The following EML6 variants were observed in gnomAD, a reference collection of about 807,000 sequenced individuals.
The protein encoded by EML6 is EMAP like 6, also known as echinoderm microtubule-associated protein-like 6.
EML6 carries 154 observed loss-of-function variants against 240.1 expected under a neutral mutation model. The ratio of observed to expected loss-of-function variants is 0.64; its 90% CI spans 0.56 to 0.73. The LOEUF (loss-of-function observed/expected upper bound fraction) is 0.73, where lower values mean the gene tolerates loss of function less well. EML6 is among the 30% of genes least tolerant of loss of function. EML6 has a pLI of 0.00. For synonymous variants in EML6, 1,148 were observed against 899.0 expected, an observed-to-expected ratio of 1.28 and a Z score of -4.95; for missense variants, 2,964 against 2,474.6, an observed-to-expected ratio of 1.20 and a Z score of -4.20.
intron 32 of EML6, among the ~76,000 whole-genome samples, 188 bp from the exon 33 acceptor site, chr2:54,957,602 C>G (rs1676290248): frequency 6.6e-6 from 1 of 152,202 alleles, no homozygotes; most frequent in Non-Finnish European, 1.5e-5. Context: ...ACCTGCTGCT[C>G]TGGAAACTTG....
chr2:54,909,773 G>C (rs906552173), intron 24 of EML6, among the ~76,000 whole-genome samples: 2 of 150,268 alleles, frequency 1.3e-5, no homozygotes, highest in Admixed American at 6.6e-5. Flanking sequence ...GAACTTGAGA[G>C]GCAGAGGTTG....
intron 9 of EML6, among the ~76,000 whole-genome samples, chr2:54,848,372 TA>T (rs1669883812): frequency 6.6e-6 from 1 of 152,198 alleles, no homozygotes; most frequent in South Asian, 2.1e-4. Context: ...AGAATGGTCT[TA>T]GCACAGTTTA....
chr2:54,921,541 A>G (rs1018153592), intron 26 of EML6, among the ~76,000 whole-genome samples: 6 of 152,188 alleles, frequency 3.9e-5, no homozygotes, highest in African/African-American at 1.4e-4. Context: ...CCTTATCAAA[A>G]TTCCAAAGGC....
At chr2:54,863,202 T>C (rs1304646225) in intron 12 of EML6, among the ~76,000 whole-genome samples, 1 of 152,222 alleles carries the variant, frequency 6.6e-6, no homozygotes, top group Non-Finnish European at 1.5e-5. Context: ...AGGATCTGTA[T>C]TGAAGTAAAT....
chr2:54,885,571 C>T (rs984690479), intron 17 of EML6, among the ~76,000 whole-genome samples: 3 of 152,042 alleles, frequency 2.0e-5, no homozygotes, highest in African/African-American at 7.2e-5. Flanking sequence ...ACGATATGTC[C>T]AGTAATGTAT....
intron 28 of EML6, among the ~76,000 whole-genome samples, chr2:54,942,193 A>C (rs897268042): frequency 2.6e-5 from 4 of 152,224 alleles, no homozygotes; most frequent in African/African-American, 9.7e-5. Flanking sequence ...GATGACAAAG[A>C]GTGGCCAGTG....
chr2:54,930,775 C>T (rs191484432), intron 28 of EML6, among the ~76,000 whole-genome samples: 1 of 152,120 alleles, frequency 6.6e-6, no homozygotes, highest in East Asian at 1.9e-4. Context: ...GCACAGCATG[C>T]CGGGAGCAGA....
intron 12 of EML6, among the ~76,000 whole-genome samples, chr2:54,862,847 C>T (rs558839275): frequency 2.6e-5 from 4 of 152,238 alleles, no homozygotes; most frequent in East Asian, 3.9e-4. Context: ...CTAAGGTTTA[C>T]GTGAAGAATT....
intron 10 of EML6, among the ~76,000 whole-genome samples, chr2:54,851,881 G>T (rs1216050487): frequency 1.3e-5 from 2 of 152,190 alleles, no homozygotes; most frequent in Non-Finnish European, 2.9e-5. Flanking sequence ...GTTTCAGCTT[G>T]TTGGGCAATA....
At chr2:54,781,637 A>T (rs1668862189) in intron 2 of EML6, among the ~76,000 whole-genome samples, 1 of 152,174 alleles carries the variant, frequency 6.6e-6, no homozygotes, top group Non-Finnish European at 1.5e-5. Flanking sequence ...AAATACTAGC[A>T]TGAATTTACA....
rs994880615 is a variant in EML6, at chr2:54,903,434, C to G, written c.3341C>G (p.Thr1114Arg). 8.4e-6 allele frequency: 13 copies of G among 1,551,658 alleles called. No homozygotes were observed. The highest frequency in any genetic ancestry group is 4.1e-5 in the African/African-American group (3 of 73,050). Residue 1114 changes from threonine to arginine, a missense_variant, in exon 24 of 42, where the codon ACA becomes AGA. By Grantham distance (71) the Thr-to-Arg change is moderately conservative. Transcript: ENST00000356458. ...TTTGTGGATATTTACAACGTACTTACAAGCAAAAGGGTTGGCATCTGTAAA... is the reference window on the plus strand; with the variant it reads ...TTTGTGGATATTTACAACGTACTTAGAAGCAAAAGGGTTGGCATCTGTAAA... The part of the protein sequence containing the change: ...DNFVDIYNVL[T>R]SKRVGICKGA...
intron 2 of EML6, among the ~76,000 whole-genome samples, chr2:54,807,373 G>A (rs751254048): frequency 5.9e-5 from 9 of 152,122 alleles, no homozygotes; most frequent in African/African-American, 1.7e-4. Flanking sequence ...TATTGAGGAC[G>A]TTTTCTCAAT....
intron 2 of EML6, among the ~76,000 whole-genome samples, chr2:54,746,539 G>A (rs555873617): frequency 6.6e-6 from 1 of 152,248 alleles, no homozygotes; most frequent in East Asian, 1.9e-4. Flanking sequence ...GAGAGAAAAA[G>A]AAAAGAGTGT....
Position 54,740,176 on chromosome 2 carries a change from G to T in EML6, c.197+14918G>T, listed in dbSNP as rs967667959. Among the ~76,000 whole-genome samples, 3 of 152,196 alleles carry T rather than the reference G, an allele frequency of 2.0e-5. No homozygotes were observed. The East Asian group carries it at 5.8e-4, about 29-fold the overall frequency. Reference sequence around the variant, plus strand: ...GGGCCCTTGCTCAGGAGAGAGCTGTGAGAGTTTCAGTGTATGTGTAGGAGT... The same window carrying T: ...GGGCCCTTGCTCAGGAGAGAGCTGTTAGAGTTTCAGTGTATGTGTAGGAGT... On this transcript the variant is annotated intron_variant, in intron 2 of 41. Coordinates refer to ENST00000356458, the MANE Select transcript of EML6 (RefSeq NM_001039753.4).
chr2:54,945,851 C>G (rs1675671763), intron 28 of EML6, among the ~76,000 whole-genome samples: 1 of 152,210 alleles, frequency 6.6e-6, no homozygotes, highest in African/African-American at 2.4e-5. Flanking sequence ...CTTCAGCAGC[C>G]CAGCGCTGGG....
chr2:54,778,297 A>G (rs1019520481), intron 2 of EML6, among the ~76,000 whole-genome samples: 2 of 152,224 alleles, frequency 1.3e-5, no homozygotes, highest in African/African-American at 4.8e-5. Context: ...GTCGAAATTT[A>G]TTCCTAAAGA....
At chr2:54,866,934 G>C (rs768451146) in intron 14 of EML6, 50 bp downstream of exon 14, 42 of 1,121,712 alleles carry the variant, frequency 3.7e-5, no homozygotes, top group Non-Finnish European at 5.0e-5. Flanking sequence ...TCTCTGCCTG[G>C]CTGTCACCAA....
At chr2:54,746,480 T>C (rs533596942) in intron 2 of EML6, among the ~76,000 whole-genome samples, 89 of 152,340 alleles carry the variant, frequency 5.8e-4, no homozygotes, top group Non-Finnish European at 1.2e-3. Context: ...TTTCAAGATA[T>C]ATACAACATT....
chr2:54,860,630 A>C (rs531186863), intron 12 of EML6, among the ~76,000 whole-genome samples: 4 of 152,178 alleles, frequency 2.6e-5, no homozygotes, highest in Admixed American at 2.6e-4. Context: ...CCCAACTTTT[A>C]TAGCTTCCAC....
Sources: gnomAD v4.1 joint callset for allele counts (sites outside exome capture counted in the v4.1 genomes callset) on GRCh38, gnomAD v4.1.1 for gene constraint, MANE v1.5 for transcripts, NCBI Gene and HGNC (gene_info 2026-07-23, HGNC 2026-07-21) for gene names.